LRRC4C: variants seen among roughly 807,000 people sequenced by gnomAD.
LRRC4C encodes the protein leucine-rich repeat-containing protein 4C.
LRRC4C carries 5 observed loss-of-function variants against 33.6 expected under a neutral mutation model. The observed-to-expected ratio is 0.15, with a 90% CI of 0.08 to 0.31. The LOEUF (loss-of-function observed/expected upper bound fraction) is 0.31, where lower values mean the gene tolerates loss of function less well. Among genes scored for constraint, LRRC4C ranks in the 10% least tolerant of loss-of-function variants. The pLI is 1.00. For missense variants in LRRC4C, 560 were observed against 796.7 expected (o/e 0.70, Z 3.58); for synonymous variants, 329 against 302.0 (o/e 1.09, Z -0.93).
chr11:41,373,495 G>A (rs1039398328), intron 1 of LRRC4C, among the ~76,000 whole-genome samples: 5 of 152,114 alleles, frequency 3.3e-5, no homozygotes, highest in Non-Finnish European at 5.9e-5. Flanking sequence ...ATATATAAAT[G>A]TTTGGGAGTC....
intron 1 of LRRC4C, among the ~76,000 whole-genome samples, chr11:41,143,540 G>A (rs1303447232): frequency 6.6e-6 from 1 of 152,128 alleles, no homozygotes; most frequent in Non-Finnish European, 1.5e-5. Context: ...GACGTTCTTG[G>A]TCCTGAAGAT....
At chr11:41,006,825 A>G (rs879832086) in intron 1 of LRRC4C, among the ~76,000 whole-genome samples, 3 of 152,190 alleles carry the variant, frequency 2.0e-5, no homozygotes, top group East Asian at 1.9e-4. Flanking sequence ...CCTAACATGC[A>G]CAAATTCATA....
At chr11:40,953,386 G>T (rs1958804871) in intron 1 of LRRC4C, among the ~76,000 whole-genome samples, 1 of 151,830 alleles carries the variant, frequency 6.6e-6, no homozygotes, top group South Asian at 2.1e-4. Flanking sequence ...GGTCCAAAGT[G>T]AAACCTCATC....
chr11:40,474,835 G>A (rs1170154000), intron 3 of LRRC4C, among the ~76,000 whole-genome samples: 1 of 152,120 alleles, frequency 6.6e-6, no homozygotes, highest in Non-Finnish European at 1.5e-5. Context: ...ATGAAAAAAA[G>A]CTCATCACTT....
At chr11:41,452,421 TA>T (rs1346215159) in intron 1 of LRRC4C, among the ~76,000 whole-genome samples, 1 of 152,138 alleles carries the variant, frequency 6.6e-6, no homozygotes, top group Admixed American at 6.6e-5. Context: ...CTACATTATG[TA>T]AAAAAGCTAG....
At chr11:41,070,630 A>G (rs1255737493) in intron 1 of LRRC4C, among the ~76,000 whole-genome samples, 1 of 152,198 alleles carries the variant, frequency 6.6e-6, no homozygotes. Flanking sequence ...ACTTCTCAAA[A>G]TAAGACATTT....
chr11:40,234,010 T>C (rs1865382966), intron 5 of LRRC4C, among the ~76,000 whole-genome samples: 1 of 152,188 alleles, frequency 6.6e-6, no homozygotes, highest in Admixed American at 6.5e-5. Flanking sequence ...ATCTTATATA[T>C]GAACAAAGTG....
At chr11:41,041,605 T>C (rs923115213) in intron 1 of LRRC4C, among the ~76,000 whole-genome samples, 18 of 152,132 alleles carry the variant, frequency 1.2e-4, no homozygotes, top group African/African-American at 4.3e-4. Flanking sequence ...CAATAAGTGG[T>C]TGAATTATAA....
intron 1 of LRRC4C, among the ~76,000 whole-genome samples, chr11:40,951,864 A>T (rs1465059175): frequency 1.3e-5 from 2 of 151,978 alleles, no homozygotes; most frequent in Non-Finnish European, 2.9e-5. Flanking sequence ...TATTCTCTGT[A>T]ATCAGTCTGT....
chr11:40,160,520 C>T (rs192229909), intron 5 of LRRC4C, among the ~76,000 whole-genome samples: 1 of 152,118 alleles, frequency 6.6e-6, no homozygotes, highest in East Asian at 1.9e-4. Flanking sequence ...ATATAAGATC[C>T]TGTACAAGAG....
intron 1 of LRRC4C, among the ~76,000 whole-genome samples, chr11:41,146,478 G>A (rs1395706203): frequency 2.0e-5 from 3 of 152,116 alleles, no homozygotes; most frequent in Non-Finnish European, 4.4e-5. Context: ...GAAAAACAAT[G>A]AACTCAGTAA....
chr11:41,381,249 A>G (rs979146662), intron 1 of LRRC4C, among the ~76,000 whole-genome samples: 9 of 152,196 alleles, frequency 5.9e-5, no homozygotes, highest in Non-Finnish European at 8.8e-5. Flanking sequence ...AAAAACTGTC[A>G]TAAAAATAAT....
At chr11:40,386,593 A>T (rs192273751) in intron 3 of LRRC4C, among the ~76,000 whole-genome samples, 42 of 152,242 alleles carry the variant, frequency 2.8e-4, no homozygotes, top group Admixed American at 1.0e-3. Context: ...AGGATATTTG[A>T]ACTAGAAATT....
intron 3 of LRRC4C, among the ~76,000 whole-genome samples, chr11:40,588,858 C>A (rs1336535548): frequency 1.3e-5 from 2 of 152,108 alleles, no homozygotes; most frequent in African/African-American, 4.8e-5. Context: ...GTTATAGTTT[C>A]TGTTCTTTTA....
chr11:40,669,219 C>T (rs920115781), intron 2 of LRRC4C, among the ~76,000 whole-genome samples: 2 of 152,190 alleles, frequency 1.3e-5, no homozygotes, highest in African/African-American at 2.4e-5. Flanking sequence ...ATCAATTCAT[C>T]ATGTCCTGGA....
rs1055535051 is a variant in LRRC4C, at chr11:40,526,922, A to C, written c.-270+121220T>G. Among the ~76,000 whole-genome samples, 4 of 152,326 alleles carry C rather than the reference A, an allele frequency of 2.6e-5. No individual in the cohort carries two copies. In the South Asian group the frequency reaches 8.3e-4, roughly 32 times the overall value. The stretch of plus-strand genomic sequence containing the variant: ...ATAAACAGGTAGATGAATAGAACAG[A>C]AGAGTGAATACAGGAATAAATCTAC... On this transcript the variant is annotated intron_variant, in intron 3 of 6. Transcript: ENST00000528697.
At chr11:41,215,025 T>TATAC (rs924844332) in intron 1 of LRRC4C, among the ~76,000 whole-genome samples, 1 of 146,814 alleles carries the variant, frequency 6.8e-6, no homozygotes, top group African/African-American at 2.5e-5. Flanking sequence ...TATATATATA[T>TATAC]ATATATATAT....
intron 2 of LRRC4C, among the ~76,000 whole-genome samples, chr11:40,917,254 T>C (rs541818350): frequency 7.0e-4 from 107 of 152,236 alleles, no homozygotes; most frequent in African/African-American, 2.5e-3. Context: ...AGGAAAAGGG[T>C]AGAAATATGC....
chr11:40,827,554 A>T (rs1218405582), intron 2 of LRRC4C, among the ~76,000 whole-genome samples: 1 of 151,944 alleles, frequency 6.6e-6, no homozygotes, highest in Non-Finnish European at 1.5e-5. Flanking sequence ...ATAATATTAA[A>T]ACCTGAATAA....
Sources: allele counts gnomAD v4.1 joint callset (sites outside exome capture counted in the v4.1 genomes callset), GRCh38; gene constraint gnomAD v4.1.1; transcripts MANE v1.5; gene names NCBI Gene and HGNC (gene_info 2026-07-23, HGNC 2026-07-21).